MTRES1: variants seen among roughly 807,000 people sequenced by gnomAD.
MTRES1 encodes the protein mitochondrial transcription rescue factor 1.
Under a neutral mutation model 17.4 loss-of-function variants are expected in MTRES1, and 11 were observed. The observed-to-expected ratio is 0.63, with a 90% CI of 0.40 to 1.05. The LOEUF (loss-of-function observed/expected upper bound fraction) is 1.05, where lower values mean the gene tolerates loss of function less well. Ranked by LOEUF, MTRES1 falls within the 50% of genes least tolerant of loss-of-function variation. MTRES1 has a pLI of 0.00. For missense variants in MTRES1, 268 were observed against 276.2 expected (o/e 0.97, Z 0.21); for synonymous variants, 94 against 99.6 (o/e 0.94, Z 0.34).
chr6:107,030,094 G>A lies in MTRES1; in HGVS notation c.-13+1823G>A, dbSNP rs1163272439. ...TGCTGAATTCCTAGTGCCCAGATTA[G>A]TGCTTGGCACATGGTAAGTGCTTAA... On this transcript the variant is annotated intron_variant, in intron 1 of 3. Coordinates refer to ENST00000311381, the MANE Select transcript of MTRES1 (RefSeq NM_016487.5). The A allele has an allele frequency of 1.4e-5, 10 of 718,318 alleles. No individual in the cohort carries two copies. In the Admixed American group the frequency reaches 2.0e-4, roughly 14 times the overall value. The allele number at this position is 718,318 out of a possible 1,614,324, so 44.5% of individuals were successfully genotyped here.
At chr6:107,046,505 A>G (rs1022281449) in intron 3 of MTRES1, among the ~76,000 whole-genome samples, 8 of 152,212 alleles carry the variant, frequency 5.3e-5, no homozygotes, top group Non-Finnish European at 1.5e-5. Flanking sequence ...CCTGGTAGCC[A>G]TAGAAACTGC....
intron 3 of MTRES1, among the ~76,000 whole-genome samples, chr6:107,045,184 C>CAA (rs71012763): frequency 1.9e-4 from 28 of 147,984 alleles, no homozygotes; most frequent in African/African-American, 3.5e-4. Flanking sequence ...GACCCTGTCT[C>CAA]AAAAAAAAAA....
intron 3 of MTRES1, among the ~76,000 whole-genome samples, chr6:107,045,502 CT>C (rs1384374701): frequency 6.0e-5 from 9 of 150,356 alleles, no homozygotes; most frequent in Non-Finnish European, 1.3e-4. Context: ...AAAAAAAATT[CT>C]GTTAGAAAAT....
intron 3 of MTRES1, among the ~76,000 whole-genome samples, chr6:107,050,756 T>C (rs1028009608): frequency 4.6e-5 from 7 of 152,038 alleles, no homozygotes; most frequent in Non-Finnish European, 8.8e-5. Flanking sequence ...TTTTTATTTT[T>C]AGTAGAGACG....
At chr6:107,037,624 T>C (rs1421473986) in intron 1 of MTRES1, among the ~76,000 whole-genome samples, 2 of 152,262 alleles carry the variant, frequency 1.3e-5, no homozygotes, top group Admixed American at 6.5e-5. Context: ...CGCTAGAATA[T>C]GTGTAAAAGT....
At chr6:107,050,870 C>T (rs1774579683) in intron 3 of MTRES1, among the ~76,000 whole-genome samples, 187 bp from the exon 4 acceptor site, 1 of 152,182 alleles carries the variant, frequency 6.6e-6, no homozygotes, top group Non-Finnish European at 1.5e-5. Flanking sequence ...AGCCACCGCA[C>T]CTGACCTTTC....
At chr6:107,041,846 G>A (rs1486964900) in intron 2 of MTRES1, among the ~76,000 whole-genome samples, 1 of 152,008 alleles carries the variant, frequency 6.6e-6, no homozygotes, top group Non-Finnish European at 1.5e-5. Context: ...TTAGTATTCT[G>A]ATTCCCTCTC....
chr6:107,050,902 C>G (rs1774580805), intron 3 of MTRES1, among the ~76,000 whole-genome samples, 155 bp from the exon 4 acceptor site: 1 of 152,160 alleles, frequency 6.6e-6, no homozygotes, highest in South Asian at 2.1e-4. Flanking sequence ...CACGCTGAGG[C>G]ACTGGGATAG....
chr6:107,047,573 G>C (rs1289721348), intron 3 of MTRES1, among the ~76,000 whole-genome samples: 3 of 151,898 alleles, frequency 2.0e-5, no homozygotes, highest in African/African-American at 7.3e-5. Flanking sequence ...TGTATCATAT[G>C]CATATATTAC....
chr6:107,029,555 C>T (rs1255383733), intron 1 of MTRES1, among the ~76,000 whole-genome samples: 33 of 149,746 alleles, frequency 2.2e-4, no homozygotes, highest in Admixed American at 2.2e-3. Flanking sequence ...GTGAACTCGG[C>T]TCACTGCAGC....
intron 1 of MTRES1, among the ~76,000 whole-genome samples, chr6:107,031,385 C>CA (rs782379041): frequency 0.9 from 87,960 of 97,586 alleles, 39,912 homozygotes; most frequent in Non-Finnish European, 0.96. Context: ...GACCCTGTCT[C>CA]AAAAAAAAAA....
intron 3 of MTRES1, among the ~76,000 whole-genome samples, chr6:107,049,071 G>A (rs967182285): frequency 6.6e-6 from 1 of 152,146 alleles, no homozygotes; most frequent in Non-Finnish European, 1.5e-5. Flanking sequence ...TGGACTGACT[G>A]TTGGGCCTGC....
intron 3 of MTRES1, among the ~76,000 whole-genome samples, chr6:107,046,458 G>T (rs2114969280): frequency 6.6e-6 from 1 of 152,048 alleles, no homozygotes; most frequent in African/African-American, 2.4e-5. Context: ...AAAGGAAGGG[G>T]GCATTATTAA....
Position 107,044,249 on chromosome 6 carries a change from T to C in MTRES1, c.471-11T>C, listed in dbSNP as rs1554228125. On this transcript the variant is annotated splice_polypyrimidine_tract_variant and intron_variant, in intron 2 of 3. Coordinates refer to ENST00000311381, the MANE Select transcript of MTRES1 (RefSeq NM_016487.5). The stretch of plus-strand genomic sequence containing the variant: ...AAATTGTGTACATTGTTGCTTTTTT[T>C]TGTTTTGTAGCAAAGTGGAAGATGC... 1 of 1,612,582 alleles carries C rather than the reference T, an allele frequency of 6.2e-7. No homozygotes were observed. The highest frequency in any genetic ancestry group is 8.5e-7 in the Non-Finnish European group (1 of 1,178,838).
chr6:107,034,760 G>A (rs1773953666), intron 1 of MTRES1, among the ~76,000 whole-genome samples: 1 of 152,102 alleles, frequency 6.6e-6, no homozygotes, highest in Non-Finnish European at 1.5e-5. Context: ...GGCCAAGGTG[G>A]GCAGATCACC....
At chr6:107,047,894 AAAAC>A (rs1335131831) in intron 3 of MTRES1, among the ~76,000 whole-genome samples, 2 of 152,080 alleles carry the variant, frequency 1.3e-5, no homozygotes, top group African/African-American at 4.8e-5. Context: ...TCAAAAAAAG[AAAAC>A]AAACAAAAAA....
rs567829749 is a variant in MTRES1 at position 107,045,208 on chromosome 6, G to A, written c.543+876G>A. Among the ~76,000 whole-genome samples, 121 of 151,324 alleles carry A rather than the reference G, an allele frequency of 8.0e-4. 1 individual carries two copies. Among genetic ancestry groups the A allele is most frequent in the Admixed American group, 4.2e-3 (64 of 15,154 alleles). On this transcript the variant is annotated intron_variant, in intron 3 of 3. Transcript: ENST00000311381. ...TCAAAAAAAAAAATTCTGGCTGGGC[G>A]CAGTGACTCACACCTGTAATCCCAG...
chr6:107,039,646 G>A (rs1774123693), intron 1 of MTRES1, 103 bp from the exon 2 acceptor site: 19 of 1,256,308 alleles, frequency 1.5e-5, no homozygotes, highest in South Asian at 9.4e-5. Flanking sequence ...GGGCGAATAC[G>A]TATAGTACTG....
At position 107,039,930 on chromosome 6, in the gene MTRES1, C is replaced by A; in HGVS notation, c.170C>A (p.Thr57Lys). 6.2e-7 allele frequency: 1 copy of A among 1,612,640 alleles called. No individual in the cohort carries two copies. The highest frequency in any genetic ancestry group is 1.7e-5 in the Admixed American group (1 of 60,008). ...STKLRAPNYK[T>K]LFYNIFSLRL... Reference sequence around the variant, plus strand: ...AAGTTACGTGCACCAAATTATAAAACACTTTTTTATAATATTTTCTCACTG... The same window carrying A: ...AAGTTACGTGCACCAAATTATAAAAAACTTTTTTATAATATTTTCTCACTG... The change falls in exon 2 of 4, where the codon ACA becomes AAA. Residue 57 changes from threonine to lysine, a missense_variant. By Grantham distance (78) the Thr-to-Lys change is moderately conservative. Coordinates refer to ENST00000311381, the MANE Select transcript of MTRES1 (RefSeq NM_016487.5).
Sources: gnomAD v4.1 joint callset for allele counts (sites outside exome capture counted in the v4.1 genomes callset) on GRCh38, gnomAD v4.1.1 for gene constraint, MANE v1.5 for transcripts, NCBI Gene and HGNC (gene_info 2026-07-23, HGNC 2026-07-21) for gene names.